AASS: variants seen among roughly 807,000 people sequenced by gnomAD.
The protein encoded by AASS is aminoadipate-semialdehyde synthase.
A neutral mutation model predicts 105.4 loss-of-function variants in AASS; 86 were observed. That is an observed-to-expected ratio of 0.82 (90% CI 0.69 to 0.98). The LOEUF (loss-of-function observed/expected upper bound fraction) is 0.98, where lower values mean the gene tolerates loss of function less well. Ranked by LOEUF, AASS falls within the 50% of genes least tolerant of loss-of-function variation. The pLI, the probability that AASS is intolerant of heterozygous loss-of-function variation, is 0.00. For missense variants in AASS, 1,048 were observed against 1,143.2 expected (o/e 0.92, Z 1.20); for synonymous variants, 381 against 394.8 (o/e 0.96, Z 0.41).
chr7:122,097,214 C>T (rs543960828), intron 15 of AASS, among the ~76,000 whole-genome samples: 211 of 151,596 alleles, frequency 1.4e-3, no homozygotes, highest in Middle Eastern at 3.4e-3. Flanking sequence ...ACAGAACTTC[C>T]TCCAAAGATA....
intron 19 of AASS, chr7:122,081,886 C>G (rs192031195): frequency 2.9e-6 from 1 of 350,028 alleles, no homozygotes; most frequent in Non-Finnish European, 5.3e-6. Context: ...CATAAAAGAC[C>G]TTGCAAAACT....
At chr7:122,132,717 A>AT (rs1475559956) in intron 2 of AASS, among the ~76,000 whole-genome samples, 1 of 152,168 alleles carries the variant, frequency 6.6e-6, no homozygotes, top group South Asian at 2.1e-4. Flanking sequence ...TAATTAGAAT[A>AT]TAATCTATTC....
At chr7:122,134,187 T>C (rs1050205186) in intron 1 of AASS, among the ~76,000 whole-genome samples, 1 of 152,196 alleles carries the variant, frequency 6.6e-6, no homozygotes, top group African/African-American at 2.4e-5. Context: ...GCCAACCTCT[T>C]TCCAGTTCAT....
chr7:122,102,983 T>C (rs1794500663), intron 11 of AASS, among the ~76,000 whole-genome samples: 1 of 152,010 alleles, frequency 6.6e-6, no homozygotes, highest in African/African-American at 2.4e-5. Flanking sequence ...GTGATTAATA[T>C]GTTCAAAAAA....
intron 8 of AASS, 110 bp from the exon 9 acceptor site, chr7:122,115,332 T>C (rs1057389484): frequency 1.3e-5 from 18 of 1,383,616 alleles, no homozygotes; most frequent in Non-Finnish European, 1.7e-5. Context: ...ATGTAACTTC[T>C]AATTGATTTT....
chr7:122,125,843 AC>A (rs1229441534), intron 4 of AASS, among the ~76,000 whole-genome samples: 2 of 152,204 alleles, frequency 1.3e-5, no homozygotes, highest in Non-Finnish European at 2.9e-5. Context: ...AGGAACCTCT[AC>A]TTTTATTTTT....
In AASS at chr7:122,074,895, T is replaced by G. The variant is rs1341389195; in HGVS notation, c.*1594A>C. Among the ~76,000 whole-genome samples, 18 of 152,184 alleles carry G rather than the reference T, an allele frequency of 1.2e-4. No homozygotes were observed. The highest frequency in any genetic ancestry group is 2.0e-4 in the Admixed American group (3 of 15,268). ...TTTTTTTTGAGTCAAGGTCTAACTC[T>G]GTCATCCAGGCTGGATTGCAGTGAC... On this transcript the variant is annotated 3_prime_UTR_variant, in exon 24 of 24. Transcript: ENST00000417368.
intron 1 of AASS, among the ~76,000 whole-genome samples, chr7:122,140,988 A>G (rs1415898874): frequency 1.3e-5 from 2 of 152,142 alleles, no homozygotes; most frequent in African/African-American, 4.8e-5. Context: ...GGCCTACACT[A>G]AGTATCCAAA....
chr7:122,092,724 C>CAA (rs60690049), intron 17 of AASS, 119 bp downstream of exon 17: 2,695 of 781,374 alleles, frequency 3.4e-3, no homozygotes, highest in East Asian at 7.2e-3. Context: ...AACTCAGTCT[C>CAA]AAAAAAAAAA....
At chr7:122,134,427 T>A (rs1447521562) in intron 1 of AASS, among the ~76,000 whole-genome samples, 1 of 152,182 alleles carries the variant, frequency 6.6e-6, no homozygotes, top group African/African-American at 2.4e-5. Context: ...AATGCAGTGG[T>A]GAGATCATTG....
rs532492524 is a variant in AASS, at chr7:122,099,041, CAT to C, written c.1407-177_1407-176del. ...AACATGAATGAGTTCCCTATAACAA[CAT>C]GTTTCTTTAATTATTTTACATTTTG... On this transcript the variant is annotated intron_variant, in intron 13 of 23. Transcript: ENST00000417368. Among the ~76,000 whole-genome samples, 7 of 151,866 alleles carry C rather than the reference CAT, an allele frequency of 4.6e-5. No homozygotes were observed. The South Asian group carries it at 6.2e-4, about 13-fold the overall frequency.
intron 18 of AASS, among the ~76,000 whole-genome samples, chr7:122,089,482 T>C (rs2150514098): frequency 6.6e-6 from 1 of 152,224 alleles, no homozygotes; most frequent in African/African-American, 2.4e-5. Flanking sequence ...CAAAAGACAT[T>C]TAGGATGAAA....
intron 9 of AASS, 131 bp from the exon 10 acceptor site, chr7:122,113,851 C>A: frequency 3.2e-6 from 3 of 933,176 alleles, no homozygotes; most frequent in Non-Finnish European, 4.8e-6. Context: ...GGTCTTTTTC[C>A]TATAGCTCAT....
chr7:122,108,092 A>G (rs1184946006), intron 11 of AASS, among the ~76,000 whole-genome samples: 3 of 152,072 alleles, frequency 2.0e-5, no homozygotes, highest in African/African-American at 7.2e-5. Context: ...ATTCCTGGAC[A>G]CATACAACCT....
In AASS at chr7:122,093,164, A is replaced by G; in HGVS notation, c.1656-6T>C. ...GCAATACATAAGGCAACAAGCTTGA[A>G]AACAGGAAGAAACTAATCAGAAACT... is the stretch of plus-strand genomic sequence containing the variant. On this transcript the variant is annotated splice_region_variant and splice_polypyrimidine_tract_variant and intron_variant, in intron 15 of 23. Coordinates refer to ENST00000417368, the MANE Select transcript of AASS (RefSeq NM_005763.4). 1.3e-6 allele frequency: 2 copies of G among 1,592,830 alleles called. No homozygotes were observed. The highest frequency in any genetic ancestry group is 1.1e-5 in the South Asian group (1 of 90,610).
intron 1 of AASS, 141 bp from the exon 2 acceptor site, chr7:122,133,882 T>A: frequency 1.3e-6 from 1 of 774,578 alleles, no homozygotes; most frequent in Admixed American, 2.3e-5. Flanking sequence ...AAGGGAAAAC[T>A]GGGATGTCAA....
intron 3 of AASS, among the ~76,000 whole-genome samples, chr7:122,127,138 A>G (rs1367300155): frequency 6.6e-6 from 1 of 152,090 alleles, no homozygotes; most frequent in East Asian, 1.9e-4. Flanking sequence ...TCCTTCGAGT[A>G]GCTCAAGATA....
In AASS at chr7:122,113,217, C is replaced by G. The variant is rs139733515; in HGVS notation, c.1179G>C (p.Ser393=). Reference sequence around the variant, plus strand: ...TGTCAATGGAACACATCAGGATCCCCGAGCCTTCAACACTAAAAGCAGCAA... The same window carrying G: ...TGTCAATGGAACACATCAGGATCCCGGAGCCTTCAACACTAAAAGCAGCAA... ...QHIIHDSVEG[S]GILMCSIDNL... Residue 393 remains serine (S), a synonymous_variant, in exon 11 of 24, where the codon TCG becomes TCC. Transcript: ENST00000417368. 4.6e-5 allele frequency: 74 copies of G among 1,613,774 alleles called. No homozygotes were observed. The highest frequency in any genetic ancestry group is 5.4e-5 in the Non-Finnish European group (64 of 1,179,878).
chr7:122,112,096 AC>A (rs1198034625), intron 11 of AASS, among the ~76,000 whole-genome samples: 1 of 152,134 alleles, frequency 6.6e-6, no homozygotes, highest in African/African-American at 2.4e-5. Context: ...CCAACTCCAG[AC>A]ACATTGCAGA....
Sources: allele counts gnomAD v4.1 joint callset (sites outside exome capture counted in the v4.1 genomes callset), GRCh38; gene constraint gnomAD v4.1.1; transcripts MANE v1.5; gene names NCBI Gene and HGNC (gene_info 2026-07-23, HGNC 2026-07-21).